Variants in ITGBL1 observed in about 807,000 individuals in gnomAD.
ITGBL1 encodes integrin beta-like protein 1.
In ITGBL1, 51 loss-of-function variants were observed where a neutral mutation model predicts 68.5. That is an observed-to-expected ratio of 0.74 (90% CI 0.59 to 0.94). ITGBL1 has a LOEUF of 0.94. Ranked by LOEUF, ITGBL1 falls within the 40% of genes least tolerant of loss-of-function variation. The pLI is 0.00. For missense variants in ITGBL1, 649 were observed against 647.4 expected (o/e 1.00, Z -0.03); for synonymous variants, 209 against 227.3 (o/e 0.92, Z 0.72).
intron 7 of ITGBL1, among the ~76,000 whole-genome samples, chr13:101,656,858 C>G (rs1437055498): frequency 6.6e-6 from 1 of 152,010 alleles, no homozygotes; most frequent in African/African-American, 2.4e-5. Context: ...TAAAATACAT[C>G]TTAAATATAT....
chr13:101,680,489 TAC>T (rs2033615644), intron 7 of ITGBL1, among the ~76,000 whole-genome samples: 1 of 151,204 alleles, frequency 6.6e-6, no homozygotes, highest in African/African-American at 2.4e-5. Flanking sequence ...CATTTGATGA[TAC>T]AGTGCTCTCC....
intron 2 of ITGBL1, among the ~76,000 whole-genome samples, chr13:101,482,994 A>G (rs2048648296): frequency 6.6e-6 from 1 of 152,202 alleles, no homozygotes; most frequent in Admixed American, 6.5e-5. Context: ...CGATGCTTCC[A>G]TAGTCAAGTT....
chr13:101,611,520 TC>T (rs2031124601), intron 7 of ITGBL1, among the ~76,000 whole-genome samples: 1 of 152,284 alleles, frequency 6.6e-6, no homozygotes, highest in African/African-American at 2.4e-5. Flanking sequence ...ATTACTATTA[TC>T]TAGATATTGG....
At chr13:101,488,650 A>G (rs2139054772) in intron 2 of ITGBL1, among the ~76,000 whole-genome samples, 1 of 152,290 alleles carries the variant, frequency 6.6e-6, no homozygotes, top group South Asian at 2.1e-4. Flanking sequence ...GCATTGTACT[A>G]AGTACCCTAT....
At chr13:101,510,537 T>A (rs1397532709) in intron 2 of ITGBL1, among the ~76,000 whole-genome samples, 3 of 152,152 alleles carry the variant, frequency 2.0e-5, no homozygotes. Flanking sequence ...CTAGGTCAAA[T>A]GGTAGCTCTG....
chr13:101,515,696 T>C (rs2139121681), intron 2 of ITGBL1, among the ~76,000 whole-genome samples: 1 of 152,188 alleles, frequency 6.6e-6, no homozygotes, highest in Admixed American at 6.5e-5. Context: ...GGTTAGCCAA[T>C]AGTGAAACTG....
chr13:101,660,965 A>G (rs1453211398), intron 7 of ITGBL1, among the ~76,000 whole-genome samples: 2 of 152,230 alleles, frequency 1.3e-5, no homozygotes, highest in Non-Finnish European at 2.9e-5. Context: ...GGAATATTTC[A>G]TCCAGATGCT....
intron 7 of ITGBL1, among the ~76,000 whole-genome samples, chr13:101,599,649 A>T (rs1393813875): frequency 1.3e-5 from 2 of 151,978 alleles, no homozygotes; most frequent in African/African-American, 4.8e-5. Context: ...TCAGCTTTCT[A>T]CATATGGCTA....
intron 6 of ITGBL1, among the ~76,000 whole-genome samples, chr13:101,588,413 T>G (rs1199520635): frequency 6.6e-6 from 1 of 152,102 alleles, no homozygotes; most frequent in Non-Finnish European, 1.5e-5. Context: ...ATGCCGAATC[T>G]TTCATCTCTA....
rs764173744 is a variant in ITGBL1, at chr13:101,715,671, G to A, written c.*17G>A. Reference sequence around the variant, plus strand: ...TATCCTTAACAATTACATGAGAGAGGTCTGGATTCTTATTTTTTCTGGGCC... The same window carrying A: ...TATCCTTAACAATTACATGAGAGAGATCTGGATTCTTATTTTTTCTGGGCC... On this transcript the variant is annotated 3_prime_UTR_variant, in exon 11 of 11. Transcript: ENST00000376180. The A allele has an allele frequency of 7.1e-6, 11 of 1,540,458 alleles. No homozygotes were observed. In the Admixed American group the frequency reaches 1.7e-4, roughly 23 times the overall value.
chr13:101,494,491 A>G (rs907651019), intron 2 of ITGBL1, among the ~76,000 whole-genome samples: 1 of 152,236 alleles, frequency 6.6e-6, no homozygotes, highest in Non-Finnish European at 1.5e-5. Context: ...TATTTTTATT[A>G]CATATGCTTC....
intron 2 of ITGBL1, among the ~76,000 whole-genome samples, chr13:101,489,175 C>G (rs1445025480): frequency 4.6e-5 from 7 of 152,186 alleles, no homozygotes; most frequent in South Asian, 2.1e-4. Flanking sequence ...TCATGTCAAT[C>G]TACGGATCCA....
In ITGBL1 at chr13:101,715,866, A is replaced by G; in HGVS notation, c.*212A>G. 2.2e-6 allele frequency: 1 copy of G among 444,802 alleles called. No individual in the cohort carries two copies. The highest frequency in any genetic ancestry group is 4.0e-6 in the Non-Finnish European group (1 of 247,530). The allele number at this position is 444,802 out of a possible 1,614,324, so 27.6% of individuals were successfully genotyped here. On this transcript the variant is annotated 3_prime_UTR_variant, in exon 11 of 11. Transcript: ENST00000376180. ...AACATTAGAAAAAAAAGATTCTTCC[A>G]TAATTAACATAAGTGGTTCCTAACG...
intron 2 of ITGBL1, among the ~76,000 whole-genome samples, chr13:101,474,737 C>T (rs1594831853): frequency 6.6e-6 from 1 of 152,118 alleles, no homozygotes; most frequent in East Asian, 1.9e-4. Flanking sequence ...AGAGAGACTA[C>T]ATTTGTTTGG....
intron 6 of ITGBL1, among the ~76,000 whole-genome samples, 186 bp from the exon 7 acceptor site, chr13:101,597,967 C>A (rs1479279355): frequency 6.6e-6 from 1 of 152,066 alleles, no homozygotes; most frequent in African/African-American, 2.4e-5. Flanking sequence ...TTTCTCTACC[C>A]CTCAAGATCA....
intron 2 of ITGBL1, 43 bp downstream of exon 2, chr13:101,454,143 C>A: frequency 7.0e-7 from 1 of 1,432,306 alleles, no homozygotes; most frequent in South Asian, 1.4e-5. Flanking sequence ...GGTCGAAACT[C>A]CTCTTCTGGG....
chr13:101,691,326 C>T (rs1006434628), intron 7 of ITGBL1, among the ~76,000 whole-genome samples: 7 of 152,088 alleles, frequency 4.6e-5, no homozygotes, highest in African/African-American at 1.7e-4. Flanking sequence ...GGATCGTGAC[C>T]CCATCATGTC....
chr13:101,498,581 A>G (rs921748984), intron 2 of ITGBL1, among the ~76,000 whole-genome samples: 10 of 152,190 alleles, frequency 6.6e-5, no homozygotes, highest in African/African-American at 2.4e-4. Flanking sequence ...TGATTTTATG[A>G]AGAAAAAATA....
At chr13:101,644,864 T>A (rs2032508558) in intron 7 of ITGBL1, among the ~76,000 whole-genome samples, 1 of 152,178 alleles carries the variant, frequency 6.6e-6, no homozygotes. Context: ...GATTTCTAAT[T>A]CATGTAATAC....
Sources: allele counts gnomAD v4.1 joint callset (sites outside exome capture counted in the v4.1 genomes callset), GRCh38; gene constraint gnomAD v4.1.1; transcripts MANE v1.5; gene names NCBI Gene and HGNC (gene_info 2026-07-23, HGNC 2026-07-21).